PRR12: variants seen among roughly 807,000 people sequenced by gnomAD.
The protein encoded by PRR12 is proline rich 12.
Under a neutral mutation model 138.0 loss-of-function variants are expected in PRR12, and 12 were observed. The observed-to-expected ratio is 0.09, with a 90% CI of 0.06 to 0.14. PRR12 has a LOEUF of 0.14. PRR12 is among the 10% of genes least tolerant of loss of function. The pLI is 1.00. For missense variants in PRR12, 2,692 were observed against 2,861.3 expected (o/e 0.94, Z 1.35); for synonymous variants, 1,567 against 1,291.7 (o/e 1.21, Z -4.57).
At chr19:49,615,129 C>T in intron 8 of PRR12, 120 bp downstream of exon 8, 1 of 1,415,892 alleles carries the variant, frequency 7.1e-7, no homozygotes, top group Non-Finnish European at 9.6e-7. Flanking sequence ...AGACAGAGCC[C>T]AGAGAGAGAG....
At chr19:49,606,155 C>T (rs78377379) in intron 6 of PRR12, among the ~76,000 whole-genome samples, 5,421 of 152,112 alleles carry the variant, frequency 0.036, 315 homozygotes, top group African/African-American at 0.12. Context: ...CATACAACAC[C>T]ATGCCTGGCA....
intron 6 of PRR12, among the ~76,000 whole-genome samples, chr19:49,610,573 C>G (rs1052395859): frequency 2.1e-5 from 2 of 96,730 alleles, no homozygotes; most frequent in Non-Finnish European, 3.8e-5. Flanking sequence ...GATGGAGTCT[C>G]GCTCTGTTGC....
Position 49,595,491 on chromosome 19 carries a change from T to C in PRR12, c.1156T>C (p.Ser386Pro). 1 of 1,555,260 alleles carries C rather than the reference T, an allele frequency of 6.4e-7. No homozygotes were observed. Among genetic ancestry groups the C allele is most frequent in the Non-Finnish European group, 8.7e-7 (1 of 1,150,364 alleles). Reference sequence around the variant, plus strand: ...TGGAGGTTACCGCCCCATCATTCAGTCGCCTGGGTACAAGACGGGCAAAGG... The same window carrying C: ...TGGAGGTTACCGCCCCATCATTCAGCCGCCTGGGTACAAGACGGGCAAAGG... ...GGGGYRPIIQ[S>P]PGYKTGKGGY... Residue 386 changes from serine (S) to proline (P), a missense_variant, in exon 4 of 14, where the codon TCG becomes CCG. By Grantham distance (74) the Ser-to-Pro change is moderately conservative. Coordinates refer to ENST00000418929, the MANE Select transcript of PRR12 (RefSeq NM_020719.3).
intron 5 of PRR12, 42 bp from the exon 6 acceptor site, chr19:49,601,449 A>G (rs959780733): frequency 2.3e-5 from 26 of 1,133,520 alleles, no homozygotes; most frequent in Non-Finnish European, 3.1e-5. Flanking sequence ...GGTGCCAGGA[A>G]TGATGAATAA....
Position 49,595,486 on chromosome 19 carries a change from T to C in PRR12, c.1151T>C (p.Ile384Thr). 6.4e-7 allele frequency: 1 copy of C among 1,554,248 alleles called. No individual in the cohort carries two copies. Among genetic ancestry groups the C allele is most frequent in the Non-Finnish European group, 8.7e-7 (1 of 1,149,794 alleles). The change falls in exon 4 of 14, where the codon ATT becomes ACT. Residue 384 changes from isoleucine (I) to threonine (T), a missense_variant. Coordinates refer to ENST00000418929, the MANE Select transcript of PRR12 (RefSeq NM_020719.3). ...GGGGGGYRPI[I>T]QSPGYKTGKG... is the part of the protein sequence containing the mutation. ...GGTGGTGGAGGTTACCGCCCCATCA[T>C]TCAGTCGCCTGGGTACAAGACGGGC... is the stretch of plus-strand genomic sequence containing the variant.
rs921739664 is a variant in PRR12 at position 49,601,756 on chromosome 19, C to T, written c.4611C>T (p.Asp1537=). 2.0e-5 allele frequency: 32 copies of T among 1,578,894 alleles called. No individual in the cohort carries two copies. The highest frequency in any genetic ancestry group is 2.6e-5 in the Non-Finnish European group (30 of 1,165,262). ...AGCCCGCCGCCCCGTCTCCCGAAGA[C>T]CCCGAGCTGCCGGACACCCGGCCCC... The part of the protein sequence containing the change: ...PEEPAAPSPE[D]PELPDTRPLH... The change falls in exon 6 of 14, where the codon GAC becomes GAT. Residue 1537 remains aspartate (D), a synonymous_variant. Coordinates refer to ENST00000418929, the MANE Select transcript of PRR12 (RefSeq NM_020719.3).
intron 6 of PRR12, among the ~76,000 whole-genome samples, chr19:49,605,153 T>C (rs903709966): frequency 6.6e-6 from 1 of 151,548 alleles, no homozygotes; most frequent in Non-Finnish European, 1.5e-5. Flanking sequence ...GCCTGGCCTA[T>C]TCTCATTTCA....
At chr19:49,620,249 C>T in intron 9 of PRR12, 103 bp from the exon 10 acceptor site, 1 of 1,490,150 alleles carries the variant, frequency 6.7e-7, no homozygotes. Flanking sequence ...CTCCCAAAAG[C>T]AGGGATTTCT....
At chr19:49,617,818 A>G (rs898446297) in intron 9 of PRR12, among the ~76,000 whole-genome samples, 2 of 152,084 alleles carry the variant, frequency 1.3e-5, no homozygotes, top group Non-Finnish European at 2.9e-5. Flanking sequence ...TATAGAAAAT[A>G]AAAGCGGCCG....
intron 6 of PRR12, among the ~76,000 whole-genome samples, chr19:49,603,775 G>A (rs2080824149): frequency 6.6e-6 from 1 of 151,996 alleles, no homozygotes; most frequent in African/African-American, 2.4e-5. Flanking sequence ...AGAAATTATG[G>A]GAAGAATTAA....
At position 49,597,079 on chromosome 19, in the gene PRR12, G is replaced by A; in HGVS notation, c.2744G>A (p.Ser915Asn). Residue 915 changes from serine to asparagine, a missense_variant, in exon 4 of 14, where the codon AGC (serine) becomes AAC (asparagine). Coordinates refer to ENST00000418929, the MANE Select transcript of PRR12 (RefSeq NM_020719.3). The surrounding 1 kb of genome is among the most constrained non-coding windows in gnomAD (Gnocchi z 6.3). Reference sequence around the variant, plus strand: ...AAGGATCCCGCAGGCGCCTACCGCAGCCCCAGCCCGCAAGGCACCAAGGCG... The same window carrying A: ...AAGGATCCCGCAGGCGCCTACCGCAACCCCAGCCCGCAAGGCACCAAGGCG... ...EGKDPAGAYR[S>N]PSPQGTKAPR... The A allele has an allele frequency of 6.4e-7, 1 of 1,552,168 alleles. No individual in the cohort carries two copies. Among genetic ancestry groups the A allele is most frequent in the Non-Finnish European group, 8.7e-7 (1 of 1,148,238 alleles).
intron 6 of PRR12, among the ~76,000 whole-genome samples, chr19:49,603,952 C>T (rs2080825424): frequency 6.6e-6 from 1 of 151,926 alleles, no homozygotes; most frequent in Non-Finnish European, 1.5e-5. Flanking sequence ...TCCTGAGTAG[C>T]TGGGATTACC....
In PRR12 at chr19:49,616,147, G is replaced by T; in HGVS notation, c.5425G>T (p.Ala1809Ser). The change falls in exon 9 of 14, where the codon GCT (alanine) becomes TCT (serine). Residue 1809 changes from alanine to serine, a missense_variant. Ala to Ser is a moderately conservative substitution (Grantham distance 99). This residue lies in a region of PRR12 where 259 missense variants were observed against 265.1 expected (regional missense o/e 0.98). Transcript: ENST00000418929. This position sits in a 1 kb window ranked among gnomAD's most constrained non-coding sequence, Gnocchi z 4.2. ...KKWLKEAGGNATAGGGPPGSS... is the reference protein window; with the variant it reads ...KKWLKEAGGNSTAGGGPPGSS... Reference sequence around the variant, plus strand: ...ATGGCTGAAGGAGGCAGGCGGCAACGCTACAGCAGGCGGGGGCCCACCAGG... The same window carrying T: ...ATGGCTGAAGGAGGCAGGCGGCAACTCTACAGCAGGCGGGGGCCCACCAGG... 6.4e-7 allele frequency: 1 copy of T among 1,563,726 alleles called. No individual in the cohort carries two copies. Among genetic ancestry groups the T allele is most frequent in the Non-Finnish European group, 8.7e-7 (1 of 1,154,620 alleles).
At position 49,601,497 on chromosome 19, in the gene PRR12, C is replaced by G; in HGVS notation, c.4352C>G (p.Pro1451Arg). 1 of 1,497,812 alleles carries G rather than the reference C, an allele frequency of 6.7e-7. No individual in the cohort carries two copies. The highest frequency in any genetic ancestry group is 1.7e-4 in the Middle Eastern group (1 of 5,824). The allele number at this position is 1,497,812 out of a possible 1,614,324, so 92.8% of individuals were successfully genotyped here. Reference sequence around the variant, plus strand: ...ATGTCCCTGTCTCCCCCAGAGCCCCCGCTGCTGGAGGAGAAACCCCCACCC... The same window carrying G: ...ATGTCCCTGTCTCCCCCAGAGCCCCGGCTGCTGGAGGAGAAACCCCCACCC... ...SANSNGTPEP[P>R]LLEEKPPPTP... Residue 1451 changes from proline to arginine, a missense_variant, in exon 6 of 14, where the codon CCG becomes CGG. Physicochemically the swap from Pro to Arg is moderately radical, Grantham distance 103. Around this residue, in one of 11 missense-constraint regions of PRR12, gnomAD observed 231 missense variants for 200.8 expected, o/e 1.15. Transcript: ENST00000418929.
rs753914096 is a variant in PRR12 at position 49,595,939 on chromosome 19, C to T, written c.1604C>T (p.Thr535Ile). Residue 535 changes from threonine (T) to isoleucine (I), a missense_variant, in exon 4 of 14, where the codon ACC (threonine) becomes ATC (isoleucine). By Grantham distance (89) the Thr-to-Ile change is moderately conservative. Coordinates refer to ENST00000418929, the MANE Select transcript of PRR12 (RefSeq NM_020719.3). ...PTASPSLSYS[T>I]GHSPALSGHG... Reference sequence around the variant, plus strand: ...GCCAGCCCCTCGCTCAGCTACAGTACCGGCCATTCCCCAGCGCTCTCGGGC... The same window carrying T: ...GCCAGCCCCTCGCTCAGCTACAGTATCGGCCATTCCCCAGCGCTCTCGGGC... 5 of 1,601,274 alleles carry T rather than the reference C, an allele frequency of 3.1e-6. No individual in the cohort carries two copies. In the South Asian group the frequency reaches 5.5e-5, roughly 18 times the overall value.
chr19:49,600,583 G>A (rs1267823608), intron 5 of PRR12, among the ~76,000 whole-genome samples: 1 of 151,944 alleles, frequency 6.6e-6, no homozygotes, highest in African/African-American at 2.4e-5. Context: ...AGCCCAGGAG[G>A]TTGAGGCTGC....
chr19:49,618,608 C>T (rs553898691), intron 9 of PRR12, among the ~76,000 whole-genome samples: 12 of 152,162 alleles, frequency 7.9e-5, no homozygotes, highest in Admixed American at 4.6e-4. Context: ...AGGATGGTCT[C>T]GAACTCCTGA....
At position 49,625,704 on chromosome 19, in the gene PRR12, G is replaced by C. The variant is rs911312583; in HGVS notation, c.*97G>C. 3 of 1,445,534 alleles carry C rather than the reference G, an allele frequency of 2.1e-6. No homozygotes were observed. The African/African-American group carries it at 4.2e-5, about 20-fold the overall frequency. 89.5% of individuals were successfully genotyped at this position (1,445,534 alleles called of 1,614,324 possible). ...GCTAACACCTGGGCTCCATCGCCGG[G>C]GAAAGGGGGTCATGGGTCAGGGTGT... On this transcript the variant is annotated 3_prime_UTR_variant, in exon 14 of 14. Transcript: ENST00000418929. This position sits in a 1 kb window ranked among gnomAD's most constrained non-coding sequence, Gnocchi z 5.5.
chr19:49,620,508 G>C lies in PRR12; in HGVS notation c.5623+31G>C, dbSNP rs373580551. On this transcript the variant is annotated intron_variant, in intron 10 of 13. Transcript: ENST00000418929. ...CTGAGGCCTGGGGAGGAGGGGGGGGGGCTGACTCGGTCTGAGGGAGCAGGT... is the reference window on the plus strand; with the variant it reads ...CTGAGGCCTGGGGAGGAGGGGGGGGCGCTGACTCGGTCTGAGGGAGCAGGT... The C allele has an allele frequency of 7.8e-5, 119 of 1,517,156 alleles. 2 individuals are homozygous for C. The highest frequency in any genetic ancestry group is 3.9e-4 in the Admixed American group (20 of 50,910). 94.0% of individuals were successfully genotyped at this position (1,517,156 alleles called of 1,614,324 possible). A position where few individuals can be genotyped will look rare whatever the true frequency, so the allele number is the denominator to read the frequency against.
Sources: gnomAD v4.1 joint callset for allele counts (sites outside exome capture counted in the v4.1 genomes callset) on GRCh38, gnomAD v4.1.1 for gene constraint, gnomAD v4.1.1 regional missense constraint, Gnocchi (gnomAD v3.1) non-coding constraint, MANE v1.5 for transcripts, NCBI Gene and HGNC (gene_info 2026-07-23, HGNC 2026-07-21) for gene names.